KIF5C: variants seen among roughly 807,000 people sequenced by gnomAD.
KIF5C encodes the protein kinesin heavy chain isoform 5C.
KIF5C carries 18 observed loss-of-function variants against 125.2 expected under a neutral mutation model. The ratio of observed to expected loss-of-function variants is 0.14; its 90% CI spans 0.10 to 0.21. The LOEUF is 0.21. KIF5C is among the 10% of genes least tolerant of loss of function. The pLI is 1.00. For synonymous variants in KIF5C, 405 were observed against 434.0 expected (o/e 0.93, Z 0.83); for missense variants, 780 against 1,183.8 (o/e 0.66, Z 5.01).
chr2:148,929,411 T>G, intron 3 of KIF5C, 57 bp downstream of exon 3: 1 of 1,173,500 alleles, frequency 8.5e-7, no homozygotes, highest in Non-Finnish European at 1.2e-6. Flanking sequence ...GGAACTGACG[T>G]TTCCAGCAAA....
chr2:148,896,122 G>A (rs919458358), intron 1 of KIF5C, among the ~76,000 whole-genome samples: 1 of 152,174 alleles, frequency 6.6e-6, no homozygotes, highest in Non-Finnish European at 1.5e-5. Flanking sequence ...ATGCTGCAAG[G>A]GGGTTGAGAG....
chr2:149,008,359 C>A (rs1234232469), intron 23 of KIF5C, among the ~76,000 whole-genome samples: 1 of 152,206 alleles, frequency 6.6e-6, no homozygotes, highest in East Asian at 1.9e-4. Context: ...CCTGCCTCCA[C>A]CCCTGACTTT....
In KIF5C at chr2:148,917,113, C is replaced by T. The variant is rs965899090; in HGVS notation, c.127-5024C>T. On this transcript the variant is annotated intron_variant, in intron 1 of 25. Transcript: ENST00000435030. ...TCCTTCTGTTGAAAGGAATGCTTGC[C>T]ATTGCATGCCCTCTGCTTTTTTTAA... Among the ~76,000 whole-genome samples the T allele has an allele frequency of 2.6e-5, 4 of 152,142 alleles. 1 individual carries two copies. The South Asian group carries it at 8.3e-4, about 32-fold the overall frequency.
At chr2:148,945,288 C>A (rs1682496003) in intron 7 of KIF5C, among the ~76,000 whole-genome samples, 1 of 152,004 alleles carries the variant, frequency 6.6e-6, no homozygotes, top group South Asian at 2.1e-4. Flanking sequence ...GGTATTTGAT[C>A]CTTTTGGAGT....
chr2:148,908,223 G>A (rs1681192449), intron 1 of KIF5C, among the ~76,000 whole-genome samples: 2 of 152,204 alleles, frequency 1.3e-5, no homozygotes, highest in African/African-American at 4.8e-5. Flanking sequence ...ATCAGAGACA[G>A]ACTAGGTAGG....
At chr2:148,938,574 C>T (rs1574768738) in intron 4 of KIF5C, among the ~76,000 whole-genome samples, 1 of 152,140 alleles carries the variant, frequency 6.6e-6, no homozygotes, top group East Asian at 1.9e-4. Flanking sequence ...TTCCCTTGGG[C>T]AGGGACTCAT....
At chr2:148,940,438 T>G (rs910003493) in intron 4 of KIF5C, among the ~76,000 whole-genome samples, 1 of 152,118 alleles carries the variant, frequency 6.6e-6, no homozygotes, top group African/African-American at 2.4e-5. Flanking sequence ...ACCCCACATC[T>G]CAGAGTAGCT....
intron 1 of KIF5C, among the ~76,000 whole-genome samples, chr2:148,897,629 A>G (rs1422810944): frequency 2.0e-5 from 3 of 152,196 alleles, no homozygotes; most frequent in African/African-American, 7.2e-5. Context: ...TTTAAAAATC[A>G]TCCTGTGAGC....
chr2:148,878,592 G>A (rs1681261190), intron 1 of KIF5C: 2 of 152,270 alleles, frequency 1.3e-5, no homozygotes, highest in African/African-American at 4.8e-5. Context: ...GGGTTGGCAT[G>A]TGCCAGGATC....
chr2:149,012,111 T>C (rs761006896), intron 25 of KIF5C, among the ~76,000 whole-genome samples: 1 of 152,232 alleles, frequency 6.6e-6, no homozygotes, highest in Non-Finnish European at 1.5e-5. Flanking sequence ...TAGAAAGTGA[T>C]GTTTTTATGT....
At chr2:149,005,273 G>A (rs1681972861) in intron 21 of KIF5C, 120 bp from the exon 22 acceptor site, 1 of 1,480,162 alleles carries the variant, frequency 6.8e-7, no homozygotes, top group Non-Finnish European at 9.1e-7. Context: ...CACAGGGAAG[G>A]GGGTGCACCA....
chr2:148,985,849 C>G (rs1035075965), intron 15 of KIF5C, among the ~76,000 whole-genome samples: 2 of 152,104 alleles, frequency 1.3e-5, no homozygotes, highest in Non-Finnish European at 2.9e-5. Flanking sequence ...CATGACCGCT[C>G]GTAAATGTAA....
At chr2:148,969,713 C>T (rs1680850066) in intron 11 of KIF5C, among the ~76,000 whole-genome samples, 1 of 152,066 alleles carries the variant, frequency 6.6e-6, no homozygotes, top group Non-Finnish European at 1.5e-5. Context: ...CCATAATCAC[C>T]ATGTGGGGGC....
At chr2:148,993,794 C>G (rs991792903) in intron 16 of KIF5C, among the ~76,000 whole-genome samples, 1 of 152,214 alleles carries the variant, frequency 6.6e-6, no homozygotes, top group Non-Finnish European at 1.5e-5. Flanking sequence ...TTATTAAGCA[C>G]TTACCCTCAT....
rs1160042560 is a variant in KIF5C, at chr2:148,875,597, C to T, written c.-21C>T. Reference sequence around the variant, plus strand: ...CCGGCCCCCCACCCATCCCCGTGCCCCCTCCCTACCGCCGGCCGAGATGGC... The same window carrying T: ...CCGGCCCCCCACCCATCCCCGTGCCTCCTCCCTACCGCCGGCCGAGATGGC... On this transcript the variant is annotated 5_prime_UTR_variant, in exon 1 of 26. Coordinates refer to ENST00000435030, the MANE Select transcript of KIF5C (RefSeq NM_004522.3). 1 of 1,505,630 alleles carries T rather than the reference C, an allele frequency of 6.6e-7. No homozygotes were observed. 93.3% of individuals were successfully genotyped at this position (1,505,630 alleles called of 1,614,324 possible).
At chr2:148,891,795 T>C (rs1681714554) in intron 1 of KIF5C, among the ~76,000 whole-genome samples, 1 of 152,134 alleles carries the variant, frequency 6.6e-6, no homozygotes, top group African/African-American at 2.4e-5. Flanking sequence ...CCTCCCAGGT[T>C]CAAGCGATTT....
chr2:149,006,191 G>A (rs1682001753), intron 22 of KIF5C, among the ~76,000 whole-genome samples: 1 of 152,172 alleles, frequency 6.6e-6, no homozygotes, highest in Non-Finnish European at 1.5e-5. Flanking sequence ...GTAAATGTGT[G>A]TGCATATTTG....
At chr2:149,007,445 G>T (rs918145616) in intron 22 of KIF5C, among the ~76,000 whole-genome samples, 2 of 152,056 alleles carry the variant, frequency 1.3e-5, no homozygotes, top group Admixed American at 6.6e-5. Context: ...ATTAATTTGA[G>T]CCTGGTTCAT....
At chr2:148,912,862 G>A (rs1270394496) in intron 1 of KIF5C, among the ~76,000 whole-genome samples, 3 of 152,146 alleles carry the variant, frequency 2.0e-5, no homozygotes, top group Non-Finnish European at 2.9e-5. Flanking sequence ...ATGTACCCTG[G>A]GATGCATGAG....
Sources: gnomAD v4.1 joint callset for allele counts (sites outside exome capture counted in the v4.1 genomes callset) on GRCh38, gnomAD v4.1.1 for gene constraint, MANE v1.5 for transcripts, NCBI Gene and HGNC (gene_info 2026-07-23, HGNC 2026-07-21) for gene names.